AP3B1: variants seen among roughly 807,000 people sequenced by gnomAD.
AP3B1 encodes the protein AP-3 complex subunit beta-1.
Under a neutral mutation model 132.5 loss-of-function variants are expected in AP3B1, and 61 were observed. The ratio of observed to expected loss-of-function variants is 0.46; its 90% CI spans 0.37 to 0.57. The LOEUF (loss-of-function observed/expected upper bound fraction) is 0.57, where lower values mean the gene tolerates loss of function less well. Among genes scored for constraint, AP3B1 ranks in the 20% least tolerant of loss-of-function variants. The probability of loss-of-function intolerance (pLI) is 0.00; values close to 1 mark genes in which losing one functional copy is unlikely to be tolerated. For missense variants in AP3B1, 1,120 were observed against 1,289.4 expected (o/e 0.87, Z 2.01); for synonymous variants, 388 against 438.3 (o/e 0.89, Z 1.43).
chr5:78,245,635 C>T (rs567396278), intron 2 of AP3B1, among the ~76,000 whole-genome samples: 26 of 152,228 alleles, frequency 1.7e-4, no homozygotes, highest in Non-Finnish European at 2.5e-4. Context: ...AGTTTGAAAG[C>T]GGGCAGTCCT....
chr5:78,205,005 T>C (rs936641394), intron 7 of AP3B1, among the ~76,000 whole-genome samples: 8 of 152,180 alleles, frequency 5.3e-5, no homozygotes, highest in African/African-American at 1.9e-4. Flanking sequence ...CTGATATCAC[T>C]TTCCATTTGC....
At chr5:78,193,764 A>ATTTTT (rs1419109983) in intron 7 of AP3B1, among the ~76,000 whole-genome samples, 4 of 104,996 alleles carry the variant, frequency 3.8e-5, no homozygotes, top group Admixed American at 1.2e-4. Context: ...ATATATATAT[A>ATTTTT]TATATATTTT....
chr5:78,227,235 A>T, intron 5 of AP3B1, 137 bp downstream of exon 5: 1 of 838,672 alleles, frequency 1.2e-6, no homozygotes, highest in Non-Finnish European at 1.9e-6. Context: ...AGCAGGGGGA[A>T]ATACCATCAT....
intron 2 of AP3B1, among the ~76,000 whole-genome samples, chr5:78,254,590 T>G (rs1747778079): frequency 6.6e-6 from 1 of 152,146 alleles, no homozygotes; most frequent in African/African-American, 2.4e-5. Context: ...CACCTCAGAA[T>G]AGTATATCCA....
intron 24 of AP3B1, among the ~76,000 whole-genome samples, chr5:78,021,321 T>G (rs1747086946): frequency 6.6e-6 from 1 of 152,114 alleles, no homozygotes; most frequent in Non-Finnish European, 1.5e-5. Context: ...AAAAAAGCCC[T>G]TATTTGCTAG....
intron 22 of AP3B1, among the ~76,000 whole-genome samples, chr5:78,079,281 T>C (rs1749890570): frequency 6.6e-6 from 1 of 152,214 alleles, no homozygotes; most frequent in South Asian, 2.1e-4. Context: ...CTTATATAAT[T>C]CCTTGGAACA....
At chr5:78,119,435 A>G (rs1752045679) in intron 17 of AP3B1, among the ~76,000 whole-genome samples, 1 of 152,160 alleles carries the variant, frequency 6.6e-6, no homozygotes, top group Admixed American at 6.5e-5. Flanking sequence ...TAAGTTAAAA[A>G]CTTTAAAAAA....
At chr5:78,084,521 C>CAAAAAAAAAAAAAAAAAAAAAA in intron 22 of AP3B1, among the ~76,000 whole-genome samples, 1 of 43,994 alleles carries the variant, frequency 2.3e-5, no homozygotes, top group East Asian at 9.5e-4. Context: ...CAGACCCTGT[C>CAAAAAAAAAAAAAAAAAAAAAA]AAAAAAAAAA....
chr5:78,046,336 G>C (rs1258628321), intron 22 of AP3B1, among the ~76,000 whole-genome samples: 2 of 152,226 alleles, frequency 1.3e-5, no homozygotes, highest in East Asian at 3.8e-4. Flanking sequence ...GAGGGATCTA[G>C]GCAGCACGCC....
At chr5:78,108,159 A>G (rs1751423172) in intron 20 of AP3B1, among the ~76,000 whole-genome samples, 1 of 152,220 alleles carries the variant, frequency 6.6e-6, no homozygotes, top group Non-Finnish European at 1.5e-5. Context: ...GAAAAAAAAG[A>G]AAAGAAAGAG....
chr5:78,154,927 C>T (rs1646189438), intron 14 of AP3B1, among the ~76,000 whole-genome samples: 1 of 152,180 alleles, frequency 6.6e-6, no homozygotes, highest in South Asian at 2.1e-4. Flanking sequence ...GGTCACGTAT[C>T]TCTCTGTTTC....
chr5:78,076,595 A>G (rs1236293477), intron 22 of AP3B1, among the ~76,000 whole-genome samples: 1 of 152,202 alleles, frequency 6.6e-6, no homozygotes, highest in Non-Finnish European at 1.5e-5. Context: ...GCCAAGATAG[A>G]AAGACCAACC....
intron 2 of AP3B1, among the ~76,000 whole-genome samples, chr5:78,264,196 T>C (rs1029691399): frequency 7.9e-5 from 12 of 152,176 alleles, no homozygotes; most frequent in Non-Finnish European, 1.5e-5. Flanking sequence ...ATAATCTAGA[T>C]CCAAAAATTC....
chr5:78,101,692 G>C (rs973699405), intron 20 of AP3B1, among the ~76,000 whole-genome samples: 3 of 151,834 alleles, frequency 2.0e-5, no homozygotes, highest in Admixed American at 2.0e-4. Flanking sequence ...TTGCTTATTC[G>C]GTCTACTGTA....
chr5:78,108,856 A>G (rs1751454217), intron 20 of AP3B1, among the ~76,000 whole-genome samples: 1 of 152,152 alleles, frequency 6.6e-6, no homozygotes, highest in African/African-American at 2.4e-5. Flanking sequence ...TCTGCTTCTA[A>G]TACTACAGAG....
chr5:78,282,543 C>T (rs1002766773), intron 1 of AP3B1, among the ~76,000 whole-genome samples: 1 of 152,066 alleles, frequency 6.6e-6, no homozygotes, highest in African/African-American at 2.4e-5. Flanking sequence ...GCAAAAGTAA[C>T]TGCAGTTTTT....
At chr5:78,042,802 T>A (rs77126271) in intron 22 of AP3B1, 1 of 156,432 alleles carries the variant, frequency 6.4e-6, no homozygotes, top group African/African-American at 2.4e-5. Flanking sequence ...GTTCTTTTTT[T>A]CTTCTCATTC....
At chr5:78,110,811 T>C (rs1384723132) in intron 19 of AP3B1, among the ~76,000 whole-genome samples, 1 of 150,948 alleles carries the variant, frequency 6.6e-6, no homozygotes, top group Non-Finnish European at 1.5e-5. Flanking sequence ...GGTCTCATTG[T>C]ACAGTGGTGC....
At chr5:78,098,092 T>C (rs999293374) in intron 21 of AP3B1, among the ~76,000 whole-genome samples, 1 of 151,076 alleles carries the variant, frequency 6.6e-6, no homozygotes, top group East Asian at 1.9e-4. Flanking sequence ...GCATGCTCGT[T>C]AAGAGTCATC....
Sources: allele counts gnomAD v4.1 joint callset (sites outside exome capture counted in the v4.1 genomes callset), GRCh38; gene constraint gnomAD v4.1.1; transcripts MANE v1.5; gene names NCBI Gene and HGNC (gene_info 2026-07-23, HGNC 2026-07-21).